Variants in IRAG2 observed in about 807,000 individuals in gnomAD.
The protein encoded by IRAG2 is lymphoid restricted membrane protein.
A neutral mutation model predicts 69.9 loss-of-function variants in IRAG2; 45 were observed. The observed-to-expected ratio is 0.64, with a 90% CI of 0.51 to 0.83. The LOEUF (loss-of-function observed/expected upper bound fraction) is 0.83. IRAG2 is among the 40% of genes least tolerant of loss of function. The pLI is 0.00. For missense variants in IRAG2, 520 were observed against 587.0 expected (o/e 0.89, Z 1.18); for synonymous variants, 193 against 202.4 (o/e 0.95, Z 0.40).
At chr12:25,058,055 G>A (rs1011805445) in intron 1 of IRAG2, among the ~76,000 whole-genome samples, 2 of 152,180 alleles carry the variant, frequency 1.3e-5, no homozygotes, top group East Asian at 1.9e-4. Flanking sequence ...TGCTATGAAC[G>A]TCTGTGTACA....
chr12:25,095,371 C>T (rs536711681), intron 14 of IRAG2, among the ~76,000 whole-genome samples: 2 of 152,198 alleles, frequency 1.3e-5, no homozygotes, highest in South Asian at 4.1e-4. Flanking sequence ...TCAATCTTAT[C>T]ACATGCTTCT....
At chr12:25,012,140 T>C (rs1380602046) in intron 3 of IRAG2, among the ~76,000 whole-genome samples, 1 of 39,298 alleles carries the variant, frequency 2.5e-5, no homozygotes, top group Non-Finnish European at 5.2e-5. Context: ...AGAAAGCGAA[T>C]TCCCTTTTTT....
chr12:25,101,466 A>G, intron 16 of IRAG2, 141 bp downstream of exon 16: 3 of 619,358 alleles, frequency 4.8e-6, no homozygotes, highest in Non-Finnish European at 5.0e-6. Flanking sequence ...TGTTATTTAT[A>G]TAGCTAAAAG....
At position 25,103,906 on chromosome 12, in the gene IRAG2, C is replaced by T; in HGVS notation, c.996+7C>T. 1 of 1,611,702 alleles carries T rather than the reference C, an allele frequency of 6.2e-7. No individual in the cohort carries two copies. The highest frequency in any genetic ancestry group is 8.5e-7 in the Non-Finnish European group (1 of 1,178,028). On this transcript the variant is annotated splice_region_variant and intron_variant, in intron 18 of 21. Coordinates refer to ENST00000556887, the MANE Select transcript of IRAG2 (RefSeq NM_001366544.2). Reference sequence around the variant, plus strand: ...TATTGGAAATGCAGGAATGGTAAGACAATTCCTAAGTGTTCTTAGTCAAAG... The same window carrying T: ...TATTGGAAATGCAGGAATGGTAAGATAATTCCTAAGTGTTCTTAGTCAAAG...
chr12:25,053,638 A>G (rs1591947595), intron 1 of IRAG2, among the ~76,000 whole-genome samples: 1 of 152,254 alleles, frequency 6.6e-6, no homozygotes, highest in Non-Finnish European at 1.5e-5. Flanking sequence ...TAGAAACCTA[A>G]TATGGTAAAA....
At chr12:25,075,521 C>CGTGTGTGTGT (rs747046833) in intron 6 of IRAG2, among the ~76,000 whole-genome samples, 106 of 139,368 alleles carry the variant, frequency 7.6e-4, no homozygotes, top group East Asian at 6.1e-3. Context: ...TGTGTGTATG[C>CGTGTGTGTGT]GTGTGTGTGT....
At chr12:25,095,254 A>G (rs546146539) in intron 14 of IRAG2, among the ~76,000 whole-genome samples, 48 of 151,938 alleles carry the variant, frequency 3.2e-4, no homozygotes, top group Non-Finnish European at 6.6e-4. Flanking sequence ...TCCTATTTCT[A>G]TTTTTTTAAA....
intron 6 of IRAG2, among the ~76,000 whole-genome samples, chr12:25,075,558 A>G (rs10842461): frequency 0.4 from 42,522 of 105,936 alleles, 6,337 homozygotes; most frequent in East Asian, 0.67. Context: ...GTGTGTGTGT[A>G]TGTGTGTCTC....
chr12:25,104,674 G>A (rs958070854), intron 20 of IRAG2, among the ~76,000 whole-genome samples: 4 of 152,116 alleles, frequency 2.6e-5, no homozygotes, highest in Non-Finnish European at 5.9e-5. Flanking sequence ...AAAGTTTGAG[G>A]TCTTAAGTTA....
chr12:25,099,899 C>G (rs1948645915), intron 15 of IRAG2, among the ~76,000 whole-genome samples: 1 of 146,102 alleles, frequency 6.8e-6, no homozygotes, highest in Non-Finnish European at 1.5e-5. Flanking sequence ...ACTCGGGAGA[C>G]TGAGGCAGGA....
At chr12:25,037,790 A>G (rs1222075849) in intron 15 of IRAG2, among the ~76,000 whole-genome samples, 1 of 152,164 alleles carries the variant, frequency 6.6e-6, no homozygotes, top group East Asian at 1.9e-4. Context: ...AGGATAGTCA[A>G]TCTCTGGGCA....
chr12:25,088,631 A>G (rs1947810971), intron 11 of IRAG2, among the ~76,000 whole-genome samples: 1 of 152,188 alleles, frequency 6.6e-6, no homozygotes, highest in Non-Finnish European at 1.5e-5. Flanking sequence ...TTAAGTCTCA[A>G]TTTTCTCATT....
chr12:25,037,478 T>A (rs907892283), intron 15 of IRAG2, among the ~76,000 whole-genome samples: 2 of 152,138 alleles, frequency 1.3e-5, no homozygotes, highest in African/African-American at 4.8e-5. Context: ...TTTGTATTTT[T>A]AGTAGAGACA....
At chr12:25,016,204 A>G (rs1189166997) in intron 5 of IRAG2, among the ~76,000 whole-genome samples, 1 of 151,692 alleles carries the variant, frequency 6.6e-6, no homozygotes, top group Non-Finnish European at 1.5e-5. Flanking sequence ...TCAAAAAAAA[A>G]AAAGAAAAGT....
chr12:25,010,963 C>T (rs1481711694), intron 2 of IRAG2, among the ~76,000 whole-genome samples: 1 of 152,188 alleles, frequency 6.6e-6, no homozygotes, highest in Non-Finnish European at 1.5e-5. Flanking sequence ...GAGAAAAAAA[C>T]TTCCTTCATT....
chr12:25,028,097 G>T (rs1481744730), intron 9 of IRAG2, among the ~76,000 whole-genome samples: 1 of 152,044 alleles, frequency 6.6e-6, no homozygotes, highest in African/African-American at 2.4e-5. Context: ...GCTAATTTTT[G>T]TATTTGTGGT....
intron 16 of IRAG2, among the ~76,000 whole-genome samples, chr12:25,042,251 A>G (rs1944756538): frequency 6.9e-6 from 1 of 145,688 alleles, no homozygotes; most frequent in East Asian, 2.0e-4. Flanking sequence ...TCTGAAAACC[A>G]GGTAAATGGT....
upstream of IRAG2, among the ~76,000 whole-genome samples, chr12:25,047,711 G>A (rs534285304): frequency 9.9e-5 from 15 of 152,258 alleles, no homozygotes; most frequent in South Asian, 4.2e-4. Flanking sequence ...AACATGTGAC[G>A]TTTGGTTTTC....
intron 7 of IRAG2, among the ~76,000 whole-genome samples, chr12:25,022,863 C>T (rs994065601): frequency 2.6e-5 from 4 of 152,186 alleles, no homozygotes; most frequent in East Asian, 1.9e-4. Flanking sequence ...TGGTGGCTCA[C>T]GCCTGTAATC....
Sources: allele counts gnomAD v4.1 joint callset (sites outside exome capture counted in the v4.1 genomes callset), GRCh38; gene constraint gnomAD v4.1.1; transcripts MANE v1.5; gene names NCBI Gene and HGNC (gene_info 2026-07-23, HGNC 2026-07-21).